MSLN: variants seen among roughly 807,000 people sequenced by gnomAD.
MSLN encodes the protein CAK1 antigen.
Under a neutral mutation model 72.6 loss-of-function variants are expected in MSLN, and 82 were observed. The observed-to-expected ratio is 1.13, with a 90% confidence interval of 0.94 to 1.36. The LOEUF is 1.36. Among genes scored for constraint, MSLN ranks in the 40% most tolerant of loss-of-function variants. MSLN has a pLI of 0.00. For synonymous variants in MSLN, 456 were observed against 387.3 expected (o/e 1.18, Z -2.08); for missense variants, 1,005 against 847.9 (o/e 1.19, Z -2.30).
intron 5 of MSLN, 103 bp from the exon 6 acceptor site, chr16:763,920 C>T: frequency 1.3e-6 from 2 of 1,510,264 alleles, no homozygotes; most frequent in Non-Finnish European, 1.8e-6. Flanking sequence ...CAGGGAGCAC[C>T]AGGGTCCTTT....
rs373859841 is a variant in MSLN at position 763,690 on chromosome 16, A to G, written c.178A>G (p.Ser60Gly). 63 of 1,396,702 alleles carry G rather than the reference A, an allele frequency of 4.5e-5. No homozygotes were observed. The Middle Eastern group carries it at 5.8e-4, about 13-fold the overall frequency. The allele number at this position is 1,396,702 out of a possible 1,614,324, so 86.5% of individuals were successfully genotyped here. ...CCTGGCCAACCCACCTAACATTTCC[A>G]GGTGGGTCTGGGGTCCTCACAGTCC... The part of the protein sequence containing the change: ...GVLANPPNIS[S>G]LSPRQLLGFP... Residue 60 changes from serine to glycine, a missense_variant and splice_region_variant, in exon 5 of 18, where the codon AGC (serine) becomes GGC (glycine). Physicochemically the swap from Ser to Gly is moderately conservative, Grantham distance 56 (BLOSUM62 0). Transcript: ENST00000545450.
At chr16:763,731 G>C in intron 5 of MSLN, 40 bp downstream of exon 5, 2 of 974,534 alleles carry the variant, frequency 2.1e-6, no homozygotes, top group South Asian at 5.8e-5. Flanking sequence ...GGTGAGGCTC[G>C]AGGGGCCCTC....
At position 767,433 on chromosome 16, in the gene MSLN, T is replaced by C. The variant is rs138216025; in HGVS notation, c.1559T>C (p.Leu520Ser). ...AGTCAGCAGAATGTGAGCATGGACT[T>C]GGCCACGTTCATGAAGCTGCGGACG... ...ALSQQNVSMD[L>S]ATFMKLRTDA... The change falls in exon 16 of 18, where the codon TTG becomes TCG. Residue 520 changes from leucine (L) to serine (S), a missense_variant. Coordinates refer to ENST00000545450, the MANE Select transcript of MSLN (RefSeq NM_005823.6). 5 of 1,556,222 alleles carry C rather than the reference T, an allele frequency of 3.2e-6. No homozygotes were observed. Among genetic ancestry groups the C allele is most frequent in the Non-Finnish European group, 4.3e-6 (5 of 1,151,536 alleles).
chr16:765,560 C>A lies in MSLN; in HGVS notation c.738C>A (p.Asp246Glu), dbSNP rs754476044. The A allele has an allele frequency of 6.2e-7, 1 of 1,606,928 alleles. No homozygotes were observed. The highest frequency in any genetic ancestry group is 2.2e-5 in the East Asian group (1 of 44,864). ...PPSTWSVSTM[D>E]ALRGLLPVLG... The stretch of plus-strand genomic sequence containing the variant: ...CGACATGGTCTGTCTCCACGATGGA[C>A]GCTCTGCGGGGCCTGCTGCCCGTGC... Residue 246 changes from aspartate (D) to glutamate (E), a missense_variant, in exon 10 of 18, where the codon GAC becomes GAA. By Grantham distance (45) the Asp-to-Glu change is conservative. Coordinates refer to ENST00000545450, the MANE Select transcript of MSLN (RefSeq NM_005823.6).
Position 763,742 on chromosome 16 carries a change from G to T in MSLN, c.179+51G>T, listed in dbSNP as rs370746923. On this transcript the variant is annotated intron_variant, in intron 5 of 17. Coordinates refer to ENST00000545450, the MANE Select transcript of MSLN (RefSeq NM_005823.6). ...CAAGGGTGAGGCTCGAGGGGCCCTCGGGACTGAGGGTGGGCAGGGCACCCC... is the reference window on the plus strand; with the variant it reads ...CAAGGGTGAGGCTCGAGGGGCCCTCTGGACTGAGGGTGGGCAGGGCACCCC... 81 of 816,902 alleles carry T rather than the reference G, an allele frequency of 9.9e-5. No homozygotes were observed. In the East Asian group the frequency reaches 7.0e-3, roughly 71 times the overall value. The allele number at this position is 816,902 out of a possible 1,614,324, so 50.6% of individuals were successfully genotyped here. A position where few individuals can be genotyped will look rare whatever the true frequency, so the allele number is the denominator to read the frequency against.
chr16:764,532 G>A (rs2041578041), intron 6 of MSLN, 115 bp from the exon 7 acceptor site: 1 of 937,686 alleles, frequency 1.1e-6, no homozygotes, highest in Admixed American at 1.7e-5. Flanking sequence ...CACTTCCACA[G>A]ATTCTCGTGG....
At chr16:767,220 C>T (rs949044909) in intron 15 of MSLN, among the ~76,000 whole-genome samples, 156 bp from the exon 16 acceptor site, 1 of 151,968 alleles carries the variant, frequency 6.6e-6, no homozygotes, top group Non-Finnish European at 1.5e-5. Flanking sequence ...CAGGGTCTCC[C>T]ACGCCTGGGG....
chr16:766,393 A>C lies in MSLN; in HGVS notation c.1133A>C (p.Lys378Thr). The part of the protein sequence containing the change: ...VIQHLGYLFL[K>T]MSPEDIRKWN... ...CAGCACCTGGGCTACCTCTTCCTCA[A>C]GATGAGCCCTGAGGACATTCGCAAG... The change falls in exon 13 of 18, where the codon AAG becomes ACG. Residue 378 changes from lysine to threonine, a missense_variant. By Grantham distance (78) the Lys-to-Thr change is moderately conservative. Coordinates refer to ENST00000545450, the MANE Select transcript of MSLN (RefSeq NM_005823.6). 1 of 1,612,738 alleles carries C rather than the reference A, an allele frequency of 6.2e-7. No homozygotes were observed. The highest frequency in any genetic ancestry group is 8.5e-7 in the Non-Finnish European group (1 of 1,179,934).
At chr16:766,634 T>C in intron 13 of MSLN, 34 bp from the exon 14 acceptor site, 1 of 1,611,790 alleles carries the variant, frequency 6.2e-7, no homozygotes, top group African/African-American at 1.3e-5. Flanking sequence ...ACATCTCTCC[T>C]TGCCACAAGG....
At chr16:761,427 C>T (rs1221785265) in intron 2 of MSLN, among the ~76,000 whole-genome samples, 3 of 152,168 alleles carry the variant, frequency 2.0e-5, no homozygotes, top group Non-Finnish European at 2.9e-5. Flanking sequence ...GATTCCAGGG[C>T]CCCCCATGGC....
At chr16:765,359 C>A in intron 9 of MSLN, 56 bp downstream of exon 9, 1 of 1,477,992 alleles carries the variant, frequency 6.8e-7, no homozygotes, top group Admixed American at 2.2e-5. Context: ...GTATCAGCAG[C>A]GTGAGGACAC....
In MSLN at chr16:764,649, G is replaced by T. The variant is rs74885235; in HGVS notation, c.303G>T (p.Leu101=). 1,248 of 1,612,288 alleles carry T rather than the reference G, an allele frequency of 7.7e-4. 11 individuals carry two copies. In the African/African-American group the frequency reaches 0.014, roughly 18 times the overall value. Residue 101 remains leucine (L), a splice_region_variant and synonymous_variant, in exon 7 of 18, where the codon CTG becomes CTT. Transcript: ENST00000545450. Reference sequence around the variant, plus strand: ...TGCTGGACTCCCTGCCCCTGCAGCTGCGCTGTCTGGCTCACCGGCTCTCTG... The same window carrying T: ...TGCTGGACTCCCTGCCCCTGCAGCTTCGCTGTCTGGCTCACCGGCTCTCTG... ...QKNVKLSTEQ[L]RCLAHRLSEP...
At chr16:762,877 G>A (rs1596689003) in intron 3 of MSLN, 112 bp downstream of exon 3, 1 of 864,498 alleles carries the variant, frequency 1.2e-6, no homozygotes, top group Non-Finnish European at 1.8e-6. Flanking sequence ...TGCCTGTGGT[G>A]GCCACGTCTC....
chr16:764,677 C>A lies in MSLN; in HGVS notation c.331C>A (p.Pro111Thr), dbSNP rs141765602. Reference protein sequence around the residue: ...LRCLAHRLSEPPEDLDALPLD... With the variant: ...LRCLAHRLSETPEDLDALPLD... ...CTGTCTGGCTCACCGGCTCTCTGAG[C>A]CCCCCGAGGACCTGGACGCCCTCCC... The change falls in exon 7 of 18, where the codon CCC becomes ACC. Residue 111 changes from proline to threonine, a missense_variant. Coordinates refer to ENST00000545450, the MANE Select transcript of MSLN (RefSeq NM_005823.6). 288 of 1,612,306 alleles carry A rather than the reference C, an allele frequency of 1.8e-4. No individual in the cohort carries two copies. In the African/African-American group the frequency reaches 3.5e-3, roughly 20 times the overall value.
At position 768,734 on chromosome 16, in the gene MSLN, G is replaced by A. The variant is rs757229676; in HGVS notation, c.*1G>A. Reference sequence around the variant, plus strand: ...GCTCCTAGCCTCCACCCTGGCCTGAGGGCCCCACTCCCTTGCTGGCCCCAG... The same window carrying A: ...GCTCCTAGCCTCCACCCTGGCCTGAAGGCCCCACTCCCTTGCTGGCCCCAG... On this transcript the variant is annotated 3_prime_UTR_variant, in exon 18 of 18. Coordinates refer to ENST00000545450, the MANE Select transcript of MSLN (RefSeq NM_005823.6). 1.9e-6 allele frequency: 3 copies of A among 1,610,220 alleles called. No individual in the cohort carries two copies. Among genetic ancestry groups the A allele is most frequent in the South Asian group, 1.1e-5 (1 of 91,092 alleles).
At chr16:766,626 A>T in intron 13 of MSLN, 42 bp from the exon 14 acceptor site, 1 of 1,611,532 alleles carries the variant, frequency 6.2e-7, no homozygotes, top group Non-Finnish European at 8.5e-7. Flanking sequence ...GGAGGGATAC[A>T]TCTCTCCTTG....
chr16:763,872 G>T, intron 5 of MSLN, 151 bp from the exon 6 acceptor site: 1 of 758,668 alleles, frequency 1.3e-6, no homozygotes, highest in Non-Finnish European at 1.7e-6. Flanking sequence ...GCAACTCCCG[G>T]CCCTTGAGGG....
Position 766,222 on chromosome 16 carries a change from G to A in MSLN, c.1059G>A (p.Lys353=). The A allele has an allele frequency of 6.2e-7, 1 of 1,610,834 alleles. No homozygotes were observed. The highest frequency in any genetic ancestry group is 8.5e-7 in the Non-Finnish European group (1 of 1,178,312). ...PFTYEQLDVL[K]HKLDELYPQG... is the part of the protein sequence containing the mutation. ...CCTACGAGCAGCTGGACGTCCTAAAGCATAAACTGGATGAGGTAGTTCATG... is the reference window on the plus strand; with the variant it reads ...CCTACGAGCAGCTGGACGTCCTAAAACATAAACTGGATGAGGTAGTTCATG... Residue 353 remains lysine, a synonymous_variant, in exon 12 of 18, where the codon AAG becomes AAA. Transcript: ENST00000545450.
Position 765,001 on chromosome 16 carries a change from C to A in MSLN, c.475C>A (p.Arg159=). The A allele has an allele frequency of 6.2e-7, 1 of 1,612,072 alleles. No individual in the cohort carries two copies. Among genetic ancestry groups the A allele is most frequent in the Non-Finnish European group, 8.5e-7 (1 of 1,179,610 alleles). ...CCTGCTCCCGAGGGGGGCTCCCGAG[C>A]GACAGCGGCTGCTGCCTGCGGCTCT... ...VDLLPRGAPE[R]QRLLPAALAC... Residue 159 remains arginine (R), a synonymous_variant, in exon 8 of 18, where the codon CGA becomes AGA. Coordinates refer to ENST00000545450, the MANE Select transcript of MSLN (RefSeq NM_005823.6).
Sources: gnomAD v4.1 joint callset for allele counts (sites outside exome capture counted in the v4.1 genomes callset) on GRCh38, gnomAD v4.1.1 for gene constraint, MANE v1.5 for transcripts, NCBI Gene and HGNC (gene_info 2026-07-23, HGNC 2026-07-21) for gene names.